PLEK: variants seen among roughly 807,000 people sequenced by gnomAD.
PLEK encodes the protein pleckstrin, also known as platelet 47 kDa protein.
Under a neutral mutation model 43.9 loss-of-function variants are expected in PLEK, and 25 were observed. The observed-to-expected ratio is 0.57, with a 90% CI of 0.41 to 0.79. The LOEUF (loss-of-function observed/expected upper bound fraction) is 0.79. PLEK is among the 30% of genes least tolerant of loss of function. PLEK has a pLI of 0.00. For synonymous variants in PLEK, 152 were observed against 144.4 expected, an observed-to-expected ratio of 1.05 and a Z score of -0.38; for missense variants, 396 against 413.3, an observed-to-expected ratio of 0.96 and a Z score of 0.36.
intron 7 of PLEK, 118 bp downstream of exon 7, chr2:68,393,363 C>CT (rs907188028): frequency 7.6e-5 from 53 of 697,944 alleles, no homozygotes; most frequent in South Asian, 1.5e-4. Context: ...TACTGGCCCA[C>CT]TTTTTTTTCT....
intron 1 of PLEK, among the ~76,000 whole-genome samples, chr2:68,368,244 G>C (rs1288890999): frequency 2.0e-5 from 3 of 152,202 alleles, no homozygotes; most frequent in African/African-American, 7.2e-5. Context: ...TTGCCTCAGA[G>C]TCTTTCACCT....
chr2:68,366,952 A>C (rs1034275926), intron 1 of PLEK, among the ~76,000 whole-genome samples: 1 of 152,232 alleles, frequency 6.6e-6, no homozygotes, highest in Non-Finnish European at 1.5e-5. Context: ...AATTACAAAA[A>C]TATGAAGACT....
chr2:68,387,776 G>GTT (rs5831929), intron 5 of PLEK, among the ~76,000 whole-genome samples: 2 of 147,732 alleles, frequency 1.4e-5, no homozygotes, highest in African/African-American at 2.5e-5. Context: ...TCCACAGTCT[G>GTT]TTTTTTTTTT....
intron 1 of PLEK, among the ~76,000 whole-genome samples, chr2:68,367,521 A>G (rs1395980885): frequency 6.6e-6 from 1 of 152,222 alleles, no homozygotes; most frequent in Non-Finnish European, 1.5e-5. Flanking sequence ...AACTAAACCT[A>G]AAGACAGAGT....
intron 4 of PLEK, among the ~76,000 whole-genome samples, chr2:68,383,971 G>A (rs1385007149): frequency 3.3e-5 from 5 of 152,182 alleles, no homozygotes; most frequent in Non-Finnish European, 5.9e-5. Context: ...GTGGTGGTAT[G>A]AGAAAGTGAC....
chr2:68,382,362 T>A (rs887077121), intron 3 of PLEK, among the ~76,000 whole-genome samples, 180 bp from the exon 4 acceptor site: 1 of 152,230 alleles, frequency 6.6e-6, no homozygotes, highest in Admixed American at 6.5e-5. Flanking sequence ...TATGCAGATA[T>A]GAATGTTGCC....
At chr2:68,386,255 T>TA (rs1472849042) in intron 4 of PLEK, among the ~76,000 whole-genome samples, 3 of 152,272 alleles carry the variant, frequency 2.0e-5, no homozygotes, top group East Asian at 3.9e-4. Flanking sequence ...TGTGCCACCA[T>TA]ACCTGGTCAT....
intron 6 of PLEK, among the ~76,000 whole-genome samples, chr2:68,392,589 G>A (rs1368498804): frequency 6.6e-6 from 1 of 152,122 alleles, no homozygotes; most frequent in Non-Finnish European, 1.5e-5. Flanking sequence ...ACCTGAGTAT[G>A]TCTCTTGCAT....
chr2:68,384,868 C>A (rs1423709995), intron 4 of PLEK, among the ~76,000 whole-genome samples: 2 of 152,230 alleles, frequency 1.3e-5, no homozygotes, highest in African/African-American at 4.8e-5. Flanking sequence ...GCAATTACCA[C>A]CCTGCCTCTT....
chr2:68,373,109 G>A (rs1673440453), intron 1 of PLEK, among the ~76,000 whole-genome samples: 1 of 152,126 alleles, frequency 6.6e-6, no homozygotes, highest in Non-Finnish European at 1.5e-5. Context: ...CAAGTGGGTT[G>A]GGGCCAGAAA....
intron 4 of PLEK, 27 bp downstream of exon 4, chr2:68,382,660 G>T (rs373893138): frequency 5.4e-6 from 7 of 1,300,878 alleles, no homozygotes; most frequent in Non-Finnish European, 7.8e-6. Flanking sequence ...GCCTGAAATA[G>T]GGCGACTGGG....
chr2:68,367,263 T>C (rs1029596159), intron 1 of PLEK, among the ~76,000 whole-genome samples: 2 of 152,036 alleles, frequency 1.3e-5, no homozygotes, highest in Admixed American at 1.3e-4. Context: ...CTTTTTTTTT[T>C]TTATTCTTCT....
In PLEK at chr2:68,395,674, C is replaced by T. The variant is rs746844980; in HGVS notation, c.917-6C>T. ...GCGTGCTGCCATTTGCCTTCTCTTT[C>T]CCCAGGCAGGAAGAGTGAGGAAGAG... On this transcript the variant is annotated splice_region_variant and splice_polypyrimidine_tract_variant and intron_variant, in intron 8 of 8. Coordinates refer to ENST00000234313, the MANE Select transcript of PLEK (RefSeq NM_002664.3). 7 of 1,613,950 alleles carry T rather than the reference C, an allele frequency of 4.3e-6. No individual in the cohort carries two copies. Among genetic ancestry groups the T allele is most frequent in the Non-Finnish European group, 5.1e-6 (6 of 1,179,912 alleles).
In PLEK at chr2:68,397,229, C is replaced by T. The variant is rs921991017; in HGVS notation, c.*1413C>T. ...AACATTTTTCCTCATTTTATCAAATCCTCTCTTGCCCTCCCTCAATTCCCC... is the reference window on the plus strand; with the variant it reads ...AACATTTTTCCTCATTTTATCAAATTCTCTCTTGCCCTCCCTCAATTCCCC... On this transcript the variant is annotated 3_prime_UTR_variant, in exon 9 of 9. Transcript: ENST00000234313. 1 of 152,116 alleles carries T rather than the reference C, an allele frequency of 6.6e-6. No homozygotes were observed. Among genetic ancestry groups the T allele is most frequent in the Non-Finnish European group, 1.5e-5 (1 of 68,030 alleles). 9.4% of individuals were successfully genotyped at this position (152,116 alleles called of 1,614,324 possible).
At chr2:68,388,268 G>C in intron 5 of PLEK, 119 bp from the exon 6 acceptor site, 1 of 676,472 alleles carries the variant, frequency 1.5e-6, no homozygotes, top group Non-Finnish European at 2.7e-6. Flanking sequence ...ATGTACACAG[G>C]AATGGAGGAA....
At position 68,382,620 on chromosome 2, in the gene PLEK, T is replaced by C. The variant is rs992232799; in HGVS notation, c.459T>C (p.Asn153=). The C allele has an allele frequency of 1.3e-6, 2 of 1,588,754 alleles. No individual in the cohort carries two copies. Among genetic ancestry groups the C allele is most frequent in the African/African-American group, 2.7e-5 (2 of 74,346 alleles). ...TAGAGAAGGACAAGAAGATTTTTAA[T>C]CACTGCTTCACAGGTAAAAGCACTT... is the stretch of plus-strand genomic sequence containing the variant. ...LNLEKDKKIF[N]HCFTGNCVID... Residue 153 remains asparagine, a synonymous_variant, in exon 4 of 9, where the codon AAT becomes AAC. Coordinates refer to ENST00000234313, the MANE Select transcript of PLEK (RefSeq NM_002664.3).
Position 68,395,693 on chromosome 2 carries a change from G to C in PLEK, c.930G>C (p.Glu310Asp). The C allele has an allele frequency of 6.2e-7, 1 of 1,614,056 alleles. No homozygotes were observed. The stretch of plus-strand genomic sequence containing the variant: ...CTCTTTCCCCAGGCAGGAAGAGTGA[G>C]GAAGAGAACCTTTTTGAGATCATCA... Reference protein sequence around the residue: ...VESNSNGRKSEEENLFEIITA... With the variant: ...VESNSNGRKSDEENLFEIITA... Residue 310 changes from glutamate (E) to aspartate (D), a missense_variant, in exon 9 of 9, where the codon GAG becomes GAC. Coordinates refer to ENST00000234313, the MANE Select transcript of PLEK (RefSeq NM_002664.3).
In PLEK at chr2:68,380,810, A is replaced by G. The variant is rs1673598015; in HGVS notation, c.286A>G (p.Ile96Val). Residue 96 changes from isoleucine to valine, a missense_variant, in exon 3 of 9, where the codon ATC (isoleucine) becomes GTC (valine). Physicochemically the swap from Ile to Val is conservative, Grantham distance 29. Transcript: ENST00000234313. The stretch of plus-strand genomic sequence containing the variant: ...GGAGAGAGATGCCTGGGTTCGGGAT[A>G]TCAAGAAGGCCATTAAATGCATTGA... ...LEERDAWVRD[I>V]KKAIKCIEGG... 1.2e-6 allele frequency: 2 copies of G among 1,613,954 alleles called. No homozygotes were observed. The highest frequency in any genetic ancestry group is 2.2e-5 in the South Asian group (2 of 91,088).
intron 4 of PLEK, among the ~76,000 whole-genome samples, chr2:68,385,782 C>T (rs186226441): frequency 2.0e-4 from 31 of 152,296 alleles, no homozygotes. Context: ...GATGCACAGC[C>T]CTCTTCTCTC....
Sources: gnomAD v4.1 joint callset for allele counts (sites outside exome capture counted in the v4.1 genomes callset) on GRCh38, gnomAD v4.1.1 for gene constraint, MANE v1.5 for transcripts, NCBI Gene and HGNC (gene_info 2026-07-23, HGNC 2026-07-21) for gene names.